PPP1R12B: variants seen among roughly 807,000 people sequenced by gnomAD.
PPP1R12B encodes myosin phosphatase target subunit 2.
PPP1R12B carries 76 observed loss-of-function variants against 126.1 expected under a neutral mutation model. That is an observed-to-expected ratio of 0.60 (90% CI 0.50 to 0.73). The LOEUF is 0.73. PPP1R12B is among the 30% of genes least tolerant of loss of function. PPP1R12B has a pLI of 0.00. For synonymous variants in PPP1R12B, 356 were observed against 434.7 expected (o/e 0.82, Z 2.25); for missense variants, 1,052 against 1,205.1 (o/e 0.87, Z 1.88).
chr1:202,459,001 A>G (rs1052447333), intron 13 of PPP1R12B, among the ~76,000 whole-genome samples: 6 of 152,254 alleles, frequency 3.9e-5, no homozygotes, highest in African/African-American at 4.8e-5. Context: ...TAAATTGCAC[A>G]GCTGGCTCTC....
chr1:202,464,486 T>C (rs1289267219), intron 13 of PPP1R12B, among the ~76,000 whole-genome samples: 1 of 152,162 alleles, frequency 6.6e-6, no homozygotes, highest in Non-Finnish European at 1.5e-5. Flanking sequence ...TGTTTTAATA[T>C]AGGGAATGCA....
chr1:202,554,409 G>A (rs1686665078), intron 18 of PPP1R12B, among the ~76,000 whole-genome samples: 2 of 152,060 alleles, frequency 1.3e-5, no homozygotes, highest in African/African-American at 2.4e-5. Context: ...TAAGGTAACT[G>A]TGTTACTCCT....
intron 21 of PPP1R12B, 167 bp from the exon 22 acceptor site, chr1:202,567,611 G>A (rs1688181062): frequency 1.5e-6 from 1 of 653,670 alleles, no homozygotes. Context: ...ATAATGTTAG[G>A]CTTAGAGATC....
intron 13 of PPP1R12B, among the ~76,000 whole-genome samples, chr1:202,469,887 A>C (rs1403216590): frequency 6.6e-6 from 1 of 152,184 alleles, no homozygotes; most frequent in Non-Finnish European, 1.5e-5. Context: ...AAATCCCTGA[A>C]ATTGCTAGCC....
chr1:202,461,428 A>G (rs904064459), intron 13 of PPP1R12B, among the ~76,000 whole-genome samples: 1 of 152,190 alleles, frequency 6.6e-6, no homozygotes, highest in Non-Finnish European at 1.5e-5. Context: ...AGTGTTTTGC[A>G]AACTACAAAA....
intron 13 of PPP1R12B, among the ~76,000 whole-genome samples, chr1:202,451,858 T>A (rs1672985889): frequency 6.7e-6 from 1 of 149,120 alleles, no homozygotes; most frequent in African/African-American, 2.5e-5. Flanking sequence ...GACCCCCACC[T>A]CCCTTCCGGA....
chr1:202,571,445 G>T (rs201795348), intron 23 of PPP1R12B, among the ~76,000 whole-genome samples: 3 of 150,228 alleles, frequency 2.0e-5, no homozygotes, highest in Admixed American at 6.6e-5. Flanking sequence ...GCTGTTTTTT[G>T]TTTTTTTTTT....
At chr1:202,388,591 A>C (rs569322293) in intron 1 of PPP1R12B, among the ~76,000 whole-genome samples, 1 of 152,330 alleles carries the variant, frequency 6.6e-6, no homozygotes, top group East Asian at 1.9e-4. Context: ...TGATAGAAAT[A>C]GTATTGTATC....
intron 13 of PPP1R12B, among the ~76,000 whole-genome samples, chr1:202,467,375 T>TC (rs1334412352): frequency 4.0e-5 from 6 of 150,330 alleles, no homozygotes; most frequent in African/African-American, 1.5e-4. Context: ...CCCTCCCCGC[T>TC]CCCCCCACCC....
At chr1:202,435,175 T>G (rs1670651039) in intron 9 of PPP1R12B, among the ~76,000 whole-genome samples, 1 of 152,156 alleles carries the variant, frequency 6.6e-6, no homozygotes, top group Non-Finnish European at 1.5e-5. Context: ...CAGACCCTTA[T>G]CTCCAAATAT....
chr1:202,521,586 G>A (rs1682795334), intron 18 of PPP1R12B, among the ~76,000 whole-genome samples: 2 of 152,272 alleles, frequency 1.3e-5, no homozygotes, highest in African/African-American at 4.8e-5. Context: ...TAAAAGAACA[G>A]TTAGACTGCA....
At chr1:202,534,852 C>A (rs1684368206) in intron 18 of PPP1R12B, among the ~76,000 whole-genome samples, 1 of 152,012 alleles carries the variant, frequency 6.6e-6, no homozygotes, top group South Asian at 2.1e-4. Flanking sequence ...TTTTCAGTAA[C>A]CTTTTACATA....
intron 18 of PPP1R12B, among the ~76,000 whole-genome samples, chr1:202,542,092 A>T (rs1460737765): frequency 6.6e-6 from 1 of 152,214 alleles, no homozygotes; most frequent in African/African-American, 2.4e-5. Flanking sequence ...TCAGAGAAAG[A>T]TATGCAAGAC....
rs749901372 is a variant in PPP1R12B, at chr1:202,348,985, C to A, written c.134C>A (p.Pro45Gln). The A allele has an allele frequency of 8.1e-6, 13 of 1,605,242 alleles. No individual in the cohort carries two copies. In the South Asian group the frequency reaches 1.3e-4, roughly 16 times the overall value. ...PAERRGAGRQ[P>Q]LTRRGSPRVR... is the part of the protein sequence containing the mutation. ...GAGCGACGAGGCGCGGGGCGGCAGC[C>A]GCTGACCAGGCGCGGGAGCCCCAGG... Residue 45 changes from proline to glutamine, a missense_variant, in exon 1 of 24, where the codon CCG (proline) becomes CAG (glutamine). Pro to Gln is a moderately conservative substitution (Grantham distance 76). Coordinates refer to ENST00000608999, the MANE Select transcript of PPP1R12B (RefSeq NM_002481.4).
chr1:202,455,916 A>G (rs1673566371), intron 13 of PPP1R12B, among the ~76,000 whole-genome samples: 1 of 152,180 alleles, frequency 6.6e-6, no homozygotes, highest in Non-Finnish European at 1.5e-5. Flanking sequence ...TGCAGAAGAA[A>G]GGCTCATGAG....
rs1032556602 is a variant in PPP1R12B, at chr1:202,422,834, A to T, written c.541+96A>T. 3.4e-5 allele frequency: 52 copies of T among 1,548,616 alleles called. 2 individuals are homozygous for T. Among genetic ancestry groups the T allele is most frequent in the South Asian group, 1.2e-4 (10 of 82,138 alleles). ...GCTGTGCAGAGCATTTCACTATCAC[A>T]TGACAGGAGAGGATTTGATCTGTCT... On this transcript the variant is annotated intron_variant, in intron 3 of 23. Transcript: ENST00000608999.
At chr1:202,455,017 A>G (rs1257100445) in intron 13 of PPP1R12B, among the ~76,000 whole-genome samples, 1 of 152,166 alleles carries the variant, frequency 6.6e-6, no homozygotes, top group Non-Finnish European at 1.5e-5. Context: ...GTTAAGTAAC[A>G]GCTAAGTGAA....
chr1:202,537,460 G>A (rs1684665746), intron 18 of PPP1R12B, among the ~76,000 whole-genome samples: 1 of 152,274 alleles, frequency 6.6e-6, no homozygotes, highest in East Asian at 1.9e-4. Context: ...CAGAAACATC[G>A]GTTATGCAGG....
intron 3 of PPP1R12B, among the ~76,000 whole-genome samples, chr1:202,425,252 T>G (rs924832288): frequency 2.0e-4 from 31 of 152,214 alleles, no homozygotes; most frequent in African/African-American, 7.5e-4. Flanking sequence ...GACTTGGAAG[T>G]TTATAGCTTT....
Sources: gnomAD v4.1 joint callset for allele counts (sites outside exome capture counted in the v4.1 genomes callset) on GRCh38, gnomAD v4.1.1 for gene constraint, MANE v1.5 for transcripts, NCBI Gene and HGNC (gene_info 2026-07-23, HGNC 2026-07-21) for gene names.